Variants in SGCZ observed in about 807,000 individuals in gnomAD.
SGCZ encodes sarcoglycan zeta.
SGCZ carries 40 observed loss-of-function variants against 41.3 expected under a neutral mutation model. The observed-to-expected ratio is 0.97, with a 90% CI of 0.75 to 1.26. The LOEUF is 1.26. Among genes scored for constraint, SGCZ ranks in the 50% most tolerant of loss-of-function variants. SGCZ has a pLI of 0.00. For missense variants in SGCZ, 552 were observed against 369.8 expected (o/e 1.49, Z -4.04); for synonymous variants, 206 against 137.5 (o/e 1.50, Z -3.49).
chr8:14,775,736 G>C (rs764968284), intron 1 of SGCZ, among the ~76,000 whole-genome samples: 3 of 152,108 alleles, frequency 2.0e-5, no homozygotes, highest in Non-Finnish European at 2.9e-5. Flanking sequence ...GAAAAGAAAG[G>C]AAATAAGGTT....
chr8:14,941,835 TTA>T (rs1419207488), intron 1 of SGCZ, among the ~76,000 whole-genome samples: 39 of 151,566 alleles, frequency 2.6e-4, no homozygotes, highest in African/African-American at 8.9e-4. Flanking sequence ...ATATTGCATG[TTA>T]TATATGTGTA....
chr8:14,132,514 C>A (rs1170256165), intron 5 of SGCZ, among the ~76,000 whole-genome samples: 3 of 152,224 alleles, frequency 2.0e-5, no homozygotes, highest in Admixed American at 2.0e-4. Context: ...ACAATACGTT[C>A]TGTTTGTTTT....
intron 1 of SGCZ, among the ~76,000 whole-genome samples, chr8:14,919,590 A>G (rs965450012): frequency 2.0e-5 from 3 of 152,136 alleles, no homozygotes; most frequent in Non-Finnish European, 2.9e-5. Context: ...AGATACTAAT[A>G]TTACTCCATA....
chr8:14,841,499 G>C (rs944791670), intron 1 of SGCZ, among the ~76,000 whole-genome samples: 19 of 152,172 alleles, frequency 1.2e-4, no homozygotes, highest in African/African-American at 4.1e-4. Context: ...TTAGTAAGGA[G>C]TTTCAGACTC....
At chr8:14,385,142 G>A (rs1474173453) in intron 2 of SGCZ, among the ~76,000 whole-genome samples, 5 of 152,104 alleles carry the variant, frequency 3.3e-5, no homozygotes, top group Non-Finnish European at 7.4e-5. Context: ...TGATTTTCCT[G>A]TAAATGCTCT....
At chr8:15,144,988 A>C (rs1287793666) in intron 1 of SGCZ, among the ~76,000 whole-genome samples, 2 of 151,664 alleles carry the variant, frequency 1.3e-5, no homozygotes, top group African/African-American at 4.8e-5. Context: ...GGCATAATAA[A>C]CTCCTGTGAT....
chr8:14,205,729 T>C (rs549344111), intron 4 of SGCZ, among the ~76,000 whole-genome samples: 9 of 152,294 alleles, frequency 5.9e-5, no homozygotes, highest in African/African-American at 1.9e-4. Flanking sequence ...ACCAGCTTAA[T>C]GTGGTTGAAT....
chr8:14,906,956 T>G (rs1417130924), intron 1 of SGCZ, among the ~76,000 whole-genome samples: 6 of 152,226 alleles, frequency 3.9e-5, no homozygotes, highest in Non-Finnish European at 1.5e-5. Context: ...GTGATATTTC[T>G]GCCACTGTCA....
chr8:14,312,515 A>C (rs73207798), intron 3 of SGCZ, among the ~76,000 whole-genome samples: 41,374 of 152,020 alleles, frequency 0.27, 6,437 homozygotes, highest in South Asian at 0.49. Flanking sequence ...GCTACTTGGA[A>C]AGCTGAGTCA....
chr8:15,001,624 G>A (rs1802424056), intron 1 of SGCZ, among the ~76,000 whole-genome samples: 2 of 151,352 alleles, frequency 1.3e-5, no homozygotes, highest in South Asian at 2.1e-4. Context: ...AGCTACTCGG[G>A]AGGCTGAGGG....
intron 4 of SGCZ, among the ~76,000 whole-genome samples, chr8:14,166,870 G>A (rs1006859661): frequency 3.9e-5 from 6 of 152,044 alleles, no homozygotes; most frequent in African/African-American, 9.7e-5. Flanking sequence ...AGGCAAATAA[G>A]CAAACAAGAA....
At chr8:15,202,832 C>T (rs77472787) in intron 1 of SGCZ, among the ~76,000 whole-genome samples, 24 of 152,116 alleles carry the variant, frequency 1.6e-4, no homozygotes, top group Admixed American at 1.2e-3. Flanking sequence ...CAAACCTGGC[C>T]GGGCCTGGTG....
chr8:14,088,231 T>C lies in SGCZ; in HGVS notation c.*2212A>G, dbSNP rs886104431. On this transcript the variant is annotated 3_prime_UTR_variant, in exon 8 of 8. Transcript: ENST00000382080. ...CAAGAGACTATTTTATTCAATACTT[T>C]TGCTGTGAAGTTGAGTAAACTGAAG... 6.6e-6 allele frequency among the ~76,000 whole-genome samples: 1 copy of C among 151,856 alleles called. No individual in the cohort carries two copies. The highest frequency in any genetic ancestry group is 1.5e-5 in the Non-Finnish European group (1 of 67,830).
At chr8:14,600,558 T>G (rs973064240) in intron 1 of SGCZ, among the ~76,000 whole-genome samples, 2 of 152,138 alleles carry the variant, frequency 1.3e-5, no homozygotes, top group African/African-American at 4.8e-5. Flanking sequence ...TGGATTCCTA[T>G]TAGCCAAGCA....
intron 1 of SGCZ, among the ~76,000 whole-genome samples, chr8:14,739,062 T>G (rs895364881): frequency 2.6e-5 from 4 of 152,088 alleles, no homozygotes; most frequent in African/African-American, 9.7e-5. Flanking sequence ...CATATTGATC[T>G]GTTCCCCTGA....
At chr8:14,603,668 T>C (rs185295876) in intron 1 of SGCZ, among the ~76,000 whole-genome samples, 3 of 152,296 alleles carry the variant, frequency 2.0e-5, no homozygotes, top group African/African-American at 4.8e-5. Context: ...TTAGATATGA[T>C]TGATTAATTT....
chr8:15,237,291 C>A (rs981198088), intron 1 of SGCZ, among the ~76,000 whole-genome samples: 1 of 152,046 alleles, frequency 6.6e-6, no homozygotes, highest in Non-Finnish European at 1.5e-5. Flanking sequence ...GGCGCAGGGT[C>A]TGCACCCCAA....
chr8:14,658,138 C>A (rs2117474636), intron 1 of SGCZ, among the ~76,000 whole-genome samples: 1 of 152,292 alleles, frequency 6.6e-6, no homozygotes, highest in East Asian at 1.9e-4. Flanking sequence ...CCACGCTCCT[C>A]CTCTCAGATG....
intron 2 of SGCZ, among the ~76,000 whole-genome samples, chr8:14,368,928 T>G (rs1044078143): frequency 6.6e-6 from 1 of 151,948 alleles, no homozygotes; most frequent in Non-Finnish European, 1.5e-5. Flanking sequence ...AATGGGCTTT[T>G]AACTAGGACT....
Sources: allele counts gnomAD v4.1 joint callset (sites outside exome capture counted in the v4.1 genomes callset), GRCh38; gene constraint gnomAD v4.1.1; transcripts MANE v1.5; gene names NCBI Gene and HGNC (gene_info 2026-07-23, HGNC 2026-07-21).